The following LRRC4B variants were observed in gnomAD, a reference collection of about 807,000 sequenced individuals.
LRRC4B encodes the protein leucine-rich repeat-containing protein 4B.
A neutral mutation model predicts 7.3 loss-of-function variants in LRRC4B; 1 was observed. The ratio of observed to expected loss-of-function variants is 0.14; its 90% CI spans 0.05 to 0.65. The LOEUF (loss-of-function observed/expected upper bound fraction) is 0.65, where lower values mean the gene tolerates loss of function less well. Among genes scored for constraint, LRRC4B ranks in the 30% least tolerant of loss-of-function variants. The pLI is 0.84. For synonymous variants in LRRC4B, 500 were observed against 499.2 expected, an observed-to-expected ratio of 1.00 and a Z score of -0.02; for missense variants, 730 against 1,041.6, an observed-to-expected ratio of 0.70 and a Z score of 4.12.
At chr19:50,551,144 T>C (rs1194126262) in intron 1 of LRRC4B, 1 of 102,066 alleles carries the variant, frequency 9.8e-6, no homozygotes, top group Non-Finnish European at 2.0e-5. Context: ...CCCTCCGCCA[T>C]CTCCCATCCT....
At chr19:50,522,698 G>A (rs1003432076) in intron 2 of LRRC4B, among the ~76,000 whole-genome samples, 4 of 152,036 alleles carry the variant, frequency 2.6e-5, no homozygotes, top group Non-Finnish European at 4.4e-5. Context: ...GGCTGGTCTC[G>A]AACTCCTGGC....
intron 2 of LRRC4B, among the ~76,000 whole-genome samples, chr19:50,525,204 T>A (rs1239863160): frequency 2.6e-5 from 4 of 152,166 alleles, no homozygotes; most frequent in Non-Finnish European, 5.9e-5. Flanking sequence ...ACCTCTGGGC[T>A]CACTCTTACC....
At chr19:50,520,157 G>A (rs1422923707) in intron 2 of LRRC4B, among the ~76,000 whole-genome samples, 1 of 125,726 alleles carries the variant, frequency 8.0e-6, no homozygotes, top group Non-Finnish European at 1.6e-5. Flanking sequence ...AGTGAGCCCT[G>A]ATCACGCCAC....
chr19:50,519,421 G>A lies in LRRC4B; in HGVS notation c.298-6C>T. 6.3e-7 allele frequency: 1 copy of A among 1,579,626 alleles called. No individual in the cohort carries two copies. On this transcript the variant is annotated splice_region_variant and splice_polypyrimidine_tract_variant and intron_variant, in intron 2 of 2. Transcript: ENST00000652263. The surrounding 1 kb of genome is among the most constrained non-coding windows in gnomAD (Gnocchi z 8.1). ...AACGTGTCCGTCCGGATCACCTGGG[G>A]AGAGGGAGACACGGATCAGTCACGG... is the stretch of plus-strand genomic sequence containing the variant.
intron 1 of LRRC4B, chr19:50,550,803 C>G (rs963518420): frequency 1.3e-5 from 2 of 152,322 alleles, no homozygotes; most frequent in Non-Finnish European, 2.9e-5. Flanking sequence ...TATGTGAGTG[C>G]GGTGAGGGTC....
In LRRC4B at chr19:50,519,567, TTTC is replaced by T. The variant is rs1257012382; in HGVS notation, c.298-155_298-153del. ...CTATATTGCAACATGGTTTGATGAG[TTTC>T]TTATAAAGTTAAAACTGGAGTCAAG... On this transcript the variant is annotated intron_variant, in intron 2 of 2. Coordinates refer to ENST00000652263, the MANE Select transcript of LRRC4B (RefSeq NM_001080457.2). This position sits in a 1 kb window ranked among gnomAD's most constrained non-coding sequence, Gnocchi z 8.1. 4.3e-6 allele frequency: 6 copies of T among 1,410,118 alleles called. No individual in the cohort carries two copies. In the African/African-American group the frequency reaches 5.8e-5, roughly 14 times the overall value. The allele number at this position is 1,410,118 out of a possible 1,614,324, so 87.4% of individuals were successfully genotyped here.
At chr19:50,529,252 C>T (rs943104739) in intron 2 of LRRC4B, among the ~76,000 whole-genome samples, 3 of 152,032 alleles carry the variant, frequency 2.0e-5, no homozygotes, top group Non-Finnish European at 1.5e-5. Flanking sequence ...GTGCACCTGG[C>T]GTGTTGAAGC....
chr19:50,517,040 C>A lies in LRRC4B; in HGVS notation c.*531G>T, dbSNP rs984409383. Reference sequence around the variant, plus strand: ...GCTGGGGCGGGTGGAGGCTCCCCCCCGCGCCGACGACAGGGACCGCCGGCC... The same window carrying A: ...GCTGGGGCGGGTGGAGGCTCCCCCCAGCGCCGACGACAGGGACCGCCGGCC... On this transcript the variant is annotated 3_prime_UTR_variant, in exon 3 of 3. Coordinates refer to ENST00000652263, the MANE Select transcript of LRRC4B (RefSeq NM_001080457.2). This position sits in a 1 kb window ranked among gnomAD's most constrained non-coding sequence, Gnocchi z 6.6. The A allele has an allele frequency of 6.6e-6, 1 of 152,002 alleles. No homozygotes were observed. The highest frequency in any genetic ancestry group is 2.4e-5 in the African/African-American group (1 of 41,390). 9.4% of individuals were successfully genotyped at this position (152,002 alleles called of 1,614,324 possible).
At chr19:50,540,815 C>T (rs1981506504) in intron 2 of LRRC4B, among the ~76,000 whole-genome samples, 1 of 151,840 alleles carries the variant, frequency 6.6e-6, no homozygotes, top group East Asian at 1.9e-4. Flanking sequence ...AAGCTCAGGG[C>T]TCCCACTGAT....
chr19:50,559,222 G>A lies in LRRC4B; in HGVS notation c.-36+8722C>T, dbSNP rs186497905. 2.0e-3 allele frequency among the ~76,000 whole-genome samples: 298 copies of A among 152,314 alleles called. 1 individual carries two copies. The highest frequency in any genetic ancestry group is 6.7e-3 in the African/African-American group (278 of 41,576). ...GGCCAAGGTGGGCGGATTACCTGAG[G>A]TCAGGAGTTTGAGACCAGCCTGACC... On this transcript the variant is annotated intron_variant, in intron 1 of 2. Transcript: ENST00000652263.
rs1402244753 is a variant in LRRC4B at position 50,519,466 on chromosome 19, G to A, written c.298-51C>T. On this transcript the variant is annotated intron_variant, in intron 2 of 2. Transcript: ENST00000652263. This position sits in a 1 kb window ranked among gnomAD's most constrained non-coding sequence, Gnocchi z 8.1. ...TCACGGAGATACTGACGGGGACCGT[G>A]GGGGGATCACCAAGGTCCCGGGCGC... 1.3e-6 allele frequency: 2 copies of A among 1,484,660 alleles called. No homozygotes were observed. Among genetic ancestry groups the A allele is most frequent in the Middle Eastern group, 1.8e-4 (1 of 5,650 alleles). The allele number at this position is 1,484,660 out of a possible 1,614,324, so 92.0% of individuals were successfully genotyped here.
rs1357137175 is a variant in LRRC4B at position 50,520,228 on chromosome 19, AAAAAAAAAAAAAAAAAAAAGAAG to A, written c.298-836_298-814del. On this transcript the variant is annotated intron_variant, in intron 2 of 2. Coordinates refer to ENST00000652263, the MANE Select transcript of LRRC4B (RefSeq NM_001080457.2). ...CAAAAAAAAAAAAAAAAAAAAAAAA[AAAAAAAAAAAAAAAAAAAAGAAG>A]AAAAGAAAAGAAAAATGAACAAACA... Among the ~76,000 whole-genome samples, 13 of 69,198 alleles carry A rather than the reference AAAAAAAAAAAAAAAAAAAAGAAG, an allele frequency of 1.9e-4. 3 individuals are homozygous for A. The highest frequency in any genetic ancestry group is 6.0e-4 in the African/African-American group (10 of 16,644). 45.4% of individuals were successfully genotyped at this position (69,198 alleles called of 152,430 possible). A position where few individuals can be genotyped will look rare whatever the true frequency, so the allele number is the denominator to read the frequency against.
At position 50,544,970 on chromosome 19, in the gene LRRC4B, G is replaced by T. The variant is rs758542490; in HGVS notation, c.297+3572C>A. ...TACTAAAAATACAAAAAATTAGCCG[G>T]ACGTGGTGGGTGGCGCCTGTAATCC... is the stretch of plus-strand genomic sequence containing the variant. On this transcript the variant is annotated intron_variant, in intron 2 of 2. Transcript: ENST00000652263. Among the ~76,000 whole-genome samples, 4 of 152,050 alleles carry T rather than the reference G, an allele frequency of 2.6e-5. 1 individual carries two copies. The highest frequency in any genetic ancestry group is 4.4e-5 in the Non-Finnish European group (3 of 68,006).
Position 50,517,768 on chromosome 19 carries a change from G to A in LRRC4B, c.1945C>T (p.His649Tyr). 2.0e-6 allele frequency: 3 copies of A among 1,519,632 alleles called. No individual in the cohort carries two copies. The South Asian group carries it at 3.9e-5, about 20-fold the overall frequency. The allele number at this position is 1,519,632 out of a possible 1,614,324, so 94.1% of individuals were successfully genotyped here. The change falls in exon 3 of 3, where the codon CAC becomes TAC. Residue 649 changes from histidine to tyrosine, a missense_variant. His to Tyr is a moderately conservative substitution (Grantham distance 83). This residue lies in a region of LRRC4B where 160 missense variants were observed against 163.9 expected (regional missense o/e 0.98). Transcript: ENST00000652263. The surrounding 1 kb of genome is among the most constrained non-coding windows in gnomAD (Gnocchi z 6.6). ...ASGGGVGGDSHLALPALERDH... is the reference protein window; with the variant it reads ...ASGGGVGGDSYLALPALERDH... ...CGCTCCAGGGCGGGCAGGGCCAGGT[G>A]GCTGTCCCCGCCCACACCACCCCCA...
Position 50,517,509 on chromosome 19 carries a change from T to A in LRRC4B, c.*62A>T. ...TGGGAGGGAGGGGTCCCGGTCAGGC[T>A]GCGCCCGGGCTGGGACCTGGGTGGG... On this transcript the variant is annotated 3_prime_UTR_variant, in exon 3 of 3. Transcript: ENST00000652263. The surrounding 1 kb of genome is among the most constrained non-coding windows in gnomAD (Gnocchi z 6.6). 7 of 1,339,170 alleles carry A rather than the reference T, an allele frequency of 5.2e-6. No individual in the cohort carries two copies. Among genetic ancestry groups the A allele is most frequent in the Non-Finnish European group, 5.8e-6 (6 of 1,038,424 alleles). The allele number at this position is 1,339,170 out of a possible 1,614,324, so 83.0% of individuals were successfully genotyped here.
chr19:50,531,133 C>T (rs1011018097), intron 2 of LRRC4B, among the ~76,000 whole-genome samples: 1 of 152,204 alleles, frequency 6.6e-6, no homozygotes, highest in African/African-American at 2.4e-5. Context: ...CCCTGGGCCT[C>T]AGCCCCCTCC....
intron 2 of LRRC4B, among the ~76,000 whole-genome samples, chr19:50,540,399 G>T (rs1981487256): frequency 6.6e-6 from 1 of 152,090 alleles, no homozygotes; most frequent in African/African-American, 2.4e-5. Flanking sequence ...GTCTTGCTCT[G>T]TTGCCTAGGC....
At chr19:50,539,100 G>A (rs1981430692) in intron 2 of LRRC4B, among the ~76,000 whole-genome samples, 1 of 150,354 alleles carries the variant, frequency 6.7e-6, no homozygotes, top group South Asian at 2.1e-4. Flanking sequence ...GGATGGTCTC[G>A]AACTCCTGAC....
chr19:50,520,203 C>CAAAAAAAAAAAAAAAAAAAAAAA (rs1173919963), intron 2 of LRRC4B, among the ~76,000 whole-genome samples: 1 of 9,382 alleles, frequency 1.1e-4, no homozygotes, highest in Non-Finnish European at 1.9e-4. Context: ...AATACCCTGT[C>CAAAAAAAAAAAAAAAAAAAAAAA]AAAAAAAAAA....
Sources: gnomAD v4.1 joint callset for allele counts (sites outside exome capture counted in the v4.1 genomes callset) on GRCh38, gnomAD v4.1.1 for gene constraint, gnomAD v4.1.1 regional missense constraint, Gnocchi (gnomAD v3.1) non-coding constraint, MANE v1.5 for transcripts, NCBI Gene and HGNC (gene_info 2026-07-23, HGNC 2026-07-21) for gene names.